SPTBN4: variants seen among roughly 807,000 people sequenced by gnomAD.
SPTBN4 encodes the protein spectrin beta, non-erythrocytic 4.
SPTBN4 carries 96 observed loss-of-function variants against 277.8 expected under a neutral mutation model. That is an observed-to-expected ratio of 0.35 (90% CI 0.29 to 0.41). The LOEUF (loss-of-function observed/expected upper bound fraction) is 0.41, where lower values mean the gene tolerates loss of function less well. Among genes scored for constraint, SPTBN4 ranks in the 10% least tolerant of loss-of-function variants. The probability of loss-of-function intolerance (pLI) is 1.00; values close to 1 mark genes in which losing one functional copy is unlikely to be tolerated. For synonymous variants in SPTBN4, 1,481 were observed against 1,580.3 expected (o/e 0.94, Z 1.49); for missense variants, 3,006 against 3,595.7 (o/e 0.84, Z 4.19).
At position 40,567,907 on chromosome 19, in the gene SPTBN4, G is replaced by A. The variant is rs1001546965; in HGVS notation, c.6581G>A (p.Arg2194Gln). ...GAGCGCCTCCAGCCGCGCATTGACCGGCTGCCGGAGATCCCGGGGAGGGTG... is the reference window on the plus strand; with the variant it reads ...GAGCGCCTCCAGCCGCGCATTGACCAGCTGCCGGAGATCCCGGGGAGGGTG... ...KPERLQPRID[R>Q]LPEIPGRVEP... Residue 2194 changes from arginine (R) to glutamine (Q), a missense_variant, in exon 31 of 36, where the codon CGG (arginine) becomes CAG (glutamine). By Grantham distance (43) the Arg-to-Gln change is conservative. Around this residue, in one of 5 missense-constraint regions of SPTBN4, gnomAD observed 630 missense variants for 677.6 expected, o/e 0.93. Transcript: ENST00000598249. 7.2e-5 allele frequency: 109 copies of A among 1,522,374 alleles called. No homozygotes were observed. Among genetic ancestry groups the A allele is most frequent in the Non-Finnish European group, 9.1e-5 (104 of 1,138,242 alleles). The allele number at this position is 1,522,374 out of a possible 1,614,324, so 94.3% of individuals were successfully genotyped here.
rs1568817452 is a variant in SPTBN4 at position 40,532,675 on chromosome 19, G to A, written c.3999G>A (p.Arg1333=). Residue 1333 remains arginine (R), a synonymous_variant, in exon 19 of 36, where the codon CGG becomes CGA. Transcript: ENST00000598249. ...EKMLMARDGT[R]EDNHKLHKRW... ...TGCTGATGGCGCGGGATGGCACGCG[G>A]GAGGACAACCACAAGCTGCATAAGA... 6.2e-7 allele frequency: 1 copy of A among 1,613,570 alleles called. No homozygotes were observed. Among genetic ancestry groups the A allele is most frequent in the Non-Finnish European group, 8.5e-7 (1 of 1,179,680 alleles).
chr19:40,546,384 C>T (rs1022813798), intron 20 of SPTBN4, among the ~76,000 whole-genome samples: 11 of 152,058 alleles, frequency 7.2e-5, no homozygotes, highest in African/African-American at 2.7e-4. Flanking sequence ...TCTTTTTGGG[C>T]AGTCCTTTTT....
intron 26 of SPTBN4, among the ~76,000 whole-genome samples, chr19:40,557,788 G>A (rs1599807367): frequency 6.6e-6 from 1 of 151,754 alleles, no homozygotes; most frequent in East Asian, 1.9e-4. Context: ...TCTGGTGGCG[G>A]GCACCTGTAA....
At chr19:40,505,265 C>A (rs1222073014) in intron 12 of SPTBN4, among the ~76,000 whole-genome samples, 2 of 147,678 alleles carry the variant, frequency 1.4e-5, no homozygotes, top group African/African-American at 2.5e-5. Flanking sequence ...GTGGTGTGCG[C>A]TTGTAGTCCC....
rs1194899743 is a variant in SPTBN4, at chr19:40,567,970, C to T, written c.6644C>T (p.Ala2215Val). 2 of 1,499,496 alleles carry T rather than the reference C, an allele frequency of 1.3e-6. No homozygotes were observed. The highest frequency in any genetic ancestry group is 5.4e-5 in the East Asian group (2 of 37,128). The allele number at this position is 1,499,496 out of a possible 1,614,324, so 92.9% of individuals were successfully genotyped here. A position where few individuals can be genotyped will look rare whatever the true frequency, so the allele number is the denominator to read the frequency against. The change falls in exon 31 of 36, where the codon GCG (alanine) becomes GTG (valine). Residue 2215 changes from alanine (A) to valine (V), a missense_variant. Physicochemically the swap from Ala to Val is moderately conservative, Grantham distance 64. Around this residue, in one of 5 missense-constraint regions of SPTBN4, gnomAD observed 630 missense variants for 677.6 expected, o/e 0.93. Transcript: ENST00000598249. ...CTGCCGGCCGCACCAGAGGACGCGG[C>T]GGAGACCCCCGCGACCCCCGCGGCG... Reference protein sequence around the residue: ...AALPAAPEDAAETPATPAAAE... With the variant: ...AALPAAPEDAVETPATPAAAE...
intron 4 of SPTBN4, among the ~76,000 whole-genome samples, chr19:40,492,645 A>C (rs1252528586): frequency 6.6e-6 from 1 of 152,148 alleles, no homozygotes; most frequent in Non-Finnish European, 1.5e-5. Context: ...TGGATGCAGG[A>C]GTGGGGAGAT....
intron 22 of SPTBN4, among the ~76,000 whole-genome samples, chr19:40,550,698 C>CGG (rs141759388): frequency 6.9e-6 from 1 of 145,880 alleles, no homozygotes; most frequent in Non-Finnish European, 1.5e-5. Flanking sequence ...AGATGGACGG[C>CGG]GGGGGGTGGG....
Position 40,494,764 on chromosome 19 carries a change from A to C in SPTBN4, c.588-133A>C, listed in dbSNP as rs1483877577. On this transcript the variant is annotated intron_variant, in intron 5 of 35. Coordinates refer to ENST00000598249, the MANE Select transcript of SPTBN4 (RefSeq NM_020971.3). ...CTACCTACCCAACACCCACCCATCC[A>C]TCCATCTTTCTATGTTCTACCCCCT... 5.4e-6 allele frequency: 4 copies of C among 737,880 alleles called. No individual in the cohort carries two copies. In the Admixed American group the frequency reaches 9.3e-5, roughly 17 times the overall value. The allele number at this position is 737,880 out of a possible 1,614,324, so 45.7% of individuals were successfully genotyped here. A position where few individuals can be genotyped will look rare whatever the true frequency, so the allele number is the denominator to read the frequency against.
At chr19:40,569,969 C>G (rs544618911) in intron 32 of SPTBN4, among the ~76,000 whole-genome samples, 3 of 127,480 alleles carry the variant, frequency 2.4e-5, no homozygotes, top group East Asian at 2.1e-4. Context: ...CACACACACA[C>G]ACACAGACAC....
At chr19:40,498,137 C>T (rs2080221504) in intron 7 of SPTBN4, among the ~76,000 whole-genome samples, 1 of 152,008 alleles carries the variant, frequency 6.6e-6, no homozygotes, top group Non-Finnish European at 1.5e-5. Context: ...CAACTCCATC[C>T]TCATCCTCAG....
intron 22 of SPTBN4, 77 bp downstream of exon 22, chr19:40,550,404 C>A: frequency 1.5e-6 from 2 of 1,368,640 alleles, no homozygotes; most frequent in South Asian, 1.2e-5. Flanking sequence ...TGGTTAAAGC[C>A]AAAACAATGA....
In SPTBN4 at chr19:40,549,175, C is replaced by G; in HGVS notation, c.4360-14C>G. ...GGCGGGTGGGGCCCATTGACCCTGCCTCTGTCCCCACAGTCCATGGAGTCG... is the reference window on the plus strand; with the variant it reads ...GGCGGGTGGGGCCCATTGACCCTGCGTCTGTCCCCACAGTCCATGGAGTCG... On this transcript the variant is annotated splice_polypyrimidine_tract_variant and intron_variant, in intron 20 of 35. Coordinates refer to ENST00000598249, the MANE Select transcript of SPTBN4 (RefSeq NM_020971.3). 2.0e-6 allele frequency: 3 copies of G among 1,534,530 alleles called. No individual in the cohort carries two copies. The highest frequency in any genetic ancestry group is 1.8e-6 in the Non-Finnish European group (2 of 1,139,770).
chr19:40,573,605 TG>T (rs998724365), intron 35 of SPTBN4, among the ~76,000 whole-genome samples: 2 of 135,724 alleles, frequency 1.5e-5, no homozygotes, highest in Admixed American at 7.3e-5. Flanking sequence ...CCGAGGCGGG[TG>T]GATCACCTGA....
At chr19:40,529,173 A>G (rs780246611) in intron 18 of SPTBN4, 42 bp downstream of exon 18, 1 of 1,482,478 alleles carries the variant, frequency 6.7e-7, no homozygotes, top group South Asian at 1.1e-5. Flanking sequence ...CATCCCCTTT[A>G]GTCGGGAGGG....
chr19:40,574,234 C>CA (rs2081180905), intron 35 of SPTBN4, among the ~76,000 whole-genome samples: 1 of 152,184 alleles, frequency 6.6e-6, no homozygotes, highest in Non-Finnish European at 1.5e-5. Context: ...CTGGGCCACA[C>CA]AGGCCTGTGG....
intron 31 of SPTBN4, 57 bp from the exon 32 acceptor site, chr19:40,569,600 G>T: frequency 6.3e-7 from 1 of 1,582,746 alleles, no homozygotes; most frequent in South Asian, 1.1e-5. Context: ...CAGCCAGACA[G>T]GTCCATGGGA....
intron 7 of SPTBN4, among the ~76,000 whole-genome samples, chr19:40,498,255 C>T (rs891507519): frequency 3.3e-5 from 5 of 152,122 alleles, no homozygotes; most frequent in Non-Finnish European, 5.9e-5. Context: ...TAAAGCTGCT[C>T]CCTTCCTCTG....
rs1400833726 is a variant in SPTBN4, at chr19:40,520,049, G to T, written c.3552G>T (p.Leu1184=). The T allele has an allele frequency of 1.3e-6, 2 of 1,553,042 alleles. No homozygotes were observed. Among genetic ancestry groups the T allele is most frequent in the Non-Finnish European group, 1.7e-6 (2 of 1,152,102 alleles). The part of the protein sequence containing the change: ...LPHLELGWHK[L]LGLWEARREA... ...ACCTCGAACTTGGCTGGCATAAACTGCTCGGCTTGTGGGAGGCGCGCAGGG... is the reference window on the plus strand; with the variant it reads ...ACCTCGAACTTGGCTGGCATAAACTTCTCGGCTTGTGGGAGGCGCGCAGGG... The change falls in exon 16 of 36, where the codon CTG becomes CTT. Residue 1184 remains leucine, a synonymous_variant. Coordinates refer to ENST00000598249, the MANE Select transcript of SPTBN4 (RefSeq NM_020971.3).
intron 4 of SPTBN4, 39 bp from the exon 5 acceptor site, chr19:40,492,924 C>A: frequency 6.3e-7 from 1 of 1,587,608 alleles, no homozygotes; most frequent in Non-Finnish European, 8.6e-7. Flanking sequence ...AAGCCTCAAG[C>A]TCTCCAGGCC....
Sources: allele counts gnomAD v4.1 joint callset (sites outside exome capture counted in the v4.1 genomes callset), GRCh38; gene constraint gnomAD v4.1.1; regional missense constraint gnomAD v4.1.1; transcripts MANE v1.5; gene names NCBI Gene and HGNC (gene_info 2026-07-23, HGNC 2026-07-21).